DDX19B: variants seen among roughly 807,000 people sequenced by gnomAD.
DDX19B encodes the protein DEAD-box helicase 19B, also known as ATP-dependent RNA helicase DDX19B.
In DDX19B, 27 loss-of-function variants were observed where a neutral mutation model predicts 58.1. The observed-to-expected ratio is 0.46, with a 90% confidence interval of 0.34 to 0.64. DDX19B has a LOEUF of 0.64. DDX19B is among the 30% of genes least tolerant of loss of function. DDX19B has a pLI of 0.01. For synonymous variants in DDX19B, 187 were observed against 214.4 expected (o/e 0.87, Z 1.12); for missense variants, 399 against 596.5 (o/e 0.67, Z 3.45).
chr16:70,291,689 T>C (rs1371665253), upstream of DDX19B, among the ~76,000 whole-genome samples: 3 of 152,048 alleles, frequency 2.0e-5, no homozygotes, highest in Non-Finnish European at 2.9e-5. Flanking sequence ...CGGGCGCCTG[T>C]AGTCCCAGCT....
chr16:70,330,223 C>G (rs1963414522), intron 9 of DDX19B, among the ~76,000 whole-genome samples, 155 bp downstream of exon 9: 1 of 152,166 alleles, frequency 6.6e-6, no homozygotes, highest in African/African-American at 2.4e-5. Context: ...GACTTTGATT[C>G]CACTTCTTAG....
In DDX19B at chr16:70,331,821, G is replaced by A. The variant is rs371891373; in HGVS notation, c.1123G>A (p.Val375Met). The change falls in exon 10 of 12, where the codon GTG (valine) becomes ATG (methionine). Residue 375 changes from valine to methionine, a missense_variant. By Grantham distance (21) the Val-to-Met change is conservative (BLOSUM62 1). Transcript: ENST00000288071. Reference protein sequence around the residue: ...GEMMVEQRAAVIERFREGKEK... With the variant: ...GEMMVEQRAAMIERFREGKEK... ...GATGATGGTGGAACAGAGGGCTGCA[G>A]TGATTGAGCGCTTCCGAGAGGGCAA... The A allele has an allele frequency of 1.9e-6, 3 of 1,614,060 alleles. No homozygotes were observed. Among genetic ancestry groups the A allele is most frequent in the Non-Finnish European group, 2.5e-6 (3 of 1,180,018 alleles).
At chr16:70,316,189 CAG>C (rs1219139705) in intron 4 of DDX19B, 85 bp downstream of exon 4, 2 of 1,519,268 alleles carry the variant, frequency 1.3e-6, no homozygotes, top group Non-Finnish European at 1.8e-6. Flanking sequence ...TTGACCACAA[CAG>C]AGCAGTTTTA....
At chr16:70,298,601 G>C (rs187941058), upstream of DDX19B, among the ~76,000 whole-genome samples, 6 of 151,722 alleles carry the variant, frequency 4.0e-5, no homozygotes, top group African/African-American at 1.5e-4. Context: ...TGATCCTTCC[G>C]CCTCGGCCTC....
In DDX19B at chr16:70,322,588, C is replaced by CAA. The variant is rs568610716; in HGVS notation, c.390-1975_390-1974dup. On this transcript the variant is annotated intron_variant, in intron 5 of 11. Coordinates refer to ENST00000288071, the MANE Select transcript of DDX19B (RefSeq NM_007242.7). ...TGGGCGACAAAGTGAGACCTTGTCT[C>CAA]AAAAAAAAAAAAAAAAAAAAAAAGG... 7.8e-3 allele frequency among the ~76,000 whole-genome samples: 356 copies of CAA among 45,796 alleles called. 1 individual carries two copies. The highest frequency in any genetic ancestry group is 8.8e-3 in the African/African-American group (95 of 10,798). 30.0% of individuals were successfully genotyped at this position (45,796 alleles called of 152,430 possible).
chr16:70,332,833 T>C (rs1963547326), intron 10 of DDX19B, 135 bp from the exon 11 acceptor site: 5 of 1,524,728 alleles, frequency 3.3e-6, no homozygotes, highest in Non-Finnish European at 3.6e-6. Context: ...TCTGGCTTCC[T>C]GCACTCAATG....
rs572010106 is a variant in DDX19B at position 70,333,506 on chromosome 16, G to T, written c.1379-15G>T. 8.1e-6 allele frequency: 13 copies of T among 1,614,010 alleles called. No individual in the cohort carries two copies. The highest frequency in any genetic ancestry group is 1.1e-5 in the Non-Finnish European group (13 of 1,179,874). ...ATTCCTGGGCAGGGTAGAGACCTGT[G>T]TATCTTTCCCCCAGATAAGAAGATA... On this transcript the variant is annotated splice_polypyrimidine_tract_variant and intron_variant, in intron 11 of 11. Transcript: ENST00000288071.
At chr16:70,317,807 T>C (rs1180640032) in intron 5 of DDX19B, 1 of 321,386 alleles carries the variant, frequency 3.1e-6, no homozygotes, top group Non-Finnish European at 5.8e-6. Flanking sequence ...TGGCCAGGCA[T>C]GGTGGCATGC....
chr16:70,332,932 C>A (rs1963553412), intron 10 of DDX19B, 36 bp from the exon 11 acceptor site: 1 of 1,614,106 alleles, frequency 6.2e-7, no homozygotes. Flanking sequence ...GCCTCCTGTC[C>A]TTAGTCCTCT....
Position 70,333,212 on chromosome 16 carries a change from G to A in DDX19B, c.1378+53G>A, listed in dbSNP as rs577407072. ...GGCGCCCTTTGCTAAGTAGGGCGGG[G>A]TGGTGAAAGGGGTAGGATCTTCTGT... is the stretch of plus-strand genomic sequence containing the variant. On this transcript the variant is annotated intron_variant, in intron 11 of 11. Transcript: ENST00000288071. The A allele has an allele frequency of 1.2e-4, 104 of 861,338 alleles. 2 individuals are homozygous for A. The South Asian group carries it at 1.6e-3, about 13-fold the overall frequency. The allele number at this position is 861,338 out of a possible 1,614,324, so 53.4% of individuals were successfully genotyped here. A position where few individuals can be genotyped will look rare whatever the true frequency, so the allele number is the denominator to read the frequency against.
At chr16:70,320,771 C>T (rs1490725545) in intron 5 of DDX19B, among the ~76,000 whole-genome samples, 1 of 151,234 alleles carries the variant, frequency 6.6e-6, no homozygotes, top group Non-Finnish European at 1.5e-5. Flanking sequence ...GTTGGCCAGG[C>T]TGGTCTTGAA....
upstream of DDX19B, among the ~76,000 whole-genome samples, chr16:70,298,817 G>A (rs1372882165): frequency 1.3e-5 from 2 of 152,160 alleles, no homozygotes; most frequent in African/African-American, 4.8e-5. Context: ...GGTTGTCAGG[G>A]CTGATTGCCA....
chr16:70,295,807 G>A (rs1205687580), upstream of DDX19B, among the ~76,000 whole-genome samples: 3 of 151,970 alleles, frequency 2.0e-5, no homozygotes, highest in South Asian at 4.1e-4. Context: ...CAAGGATATA[G>A]TATGTGCTGT....
chr16:70,324,565 C>G lies in DDX19B; in HGVS notation c.390-20C>G. 1 of 1,604,276 alleles carries G rather than the reference C, an allele frequency of 6.2e-7. No homozygotes were observed. ...AAAAGGTTGAGATTTAAGCTCCTAA[C>G]TAGTTTGTTTCTTGCGCAGCCCACA... On this transcript the variant is annotated intron_variant, in intron 5 of 11. Coordinates refer to ENST00000288071, the MANE Select transcript of DDX19B (RefSeq NM_007242.7).
At chr16:70,326,881 C>A (rs1192440401) in intron 7 of DDX19B, among the ~76,000 whole-genome samples, 1 of 151,626 alleles carries the variant, frequency 6.6e-6, no homozygotes, top group Non-Finnish European at 1.5e-5. Context: ...GTCGCCCAGG[C>A]TGGAGAGCAG....
At chr16:70,293,645 C>T (rs1324586044), upstream of DDX19B, among the ~76,000 whole-genome samples, 4 of 106,100 alleles carry the variant, frequency 3.8e-5, no homozygotes, top group Admixed American at 2.2e-4. Context: ...CGCTCTGTCG[C>T]CCAGGCCGGA....
At chr16:70,328,938 C>T (rs930285896) in intron 7 of DDX19B, among the ~76,000 whole-genome samples, 2 of 151,240 alleles carry the variant, frequency 1.3e-5, no homozygotes, top group Admixed American at 6.6e-5. Flanking sequence ...CCATGGAGGC[C>T]GGGCACGGTG....
At chr16:70,299,437 T>C in intron 1 of DDX19B, 83 bp downstream of exon 1, 3 of 1,454,788 alleles carry the variant, frequency 2.1e-6, no homozygotes, top group Non-Finnish European at 2.8e-6. Context: ...TTTCCCAGGT[T>C]GATTAGAGGC....
intron 7 of DDX19B, among the ~76,000 whole-genome samples, chr16:70,325,984 C>T (rs1963122115): frequency 6.6e-6 from 1 of 152,162 alleles, no homozygotes; most frequent in African/African-American, 2.4e-5. Flanking sequence ...AATACCAGTC[C>T]ATTTTTATTC....
Sources: allele counts gnomAD v4.1 joint callset (sites outside exome capture counted in the v4.1 genomes callset), GRCh38; gene constraint gnomAD v4.1.1; transcripts MANE v1.5; gene names NCBI Gene and HGNC (gene_info 2026-07-23, HGNC 2026-07-21).